OR3A2: variants seen among roughly 807,000 people sequenced by gnomAD.
The protein encoded by OR3A2 is olfactory receptor 3A2.
For missense variants in OR3A2, 318 were observed against 392.8 expected (o/e 0.81, Z 1.61); for synonymous variants, 126 against 159.3 (o/e 0.79, Z 1.57).
At chr17:3,359,054 A>G (rs1321814314) in intron 2 of OR3A2, among the ~76,000 whole-genome samples, 3 of 151,324 alleles carry the variant, frequency 2.0e-5, no homozygotes, top group Non-Finnish European at 4.4e-5. Context: ...GTCTTTTTTG[A>G]TATTTGTTGG....
intron 2 of OR3A2, among the ~76,000 whole-genome samples, chr17:3,360,936 T>A (rs1449872833): frequency 6.6e-6 from 1 of 151,634 alleles, no homozygotes; most frequent in Non-Finnish European, 1.5e-5. Flanking sequence ...TTAAAGTAGT[T>A]TTTCCCAATT....
chr17:3,329,562 CT>C (rs1384669331), intron 3 of OR3A2, among the ~76,000 whole-genome samples: 1 of 116,966 alleles, frequency 8.5e-6, no homozygotes, highest in African/African-American at 3.7e-5. Flanking sequence ...GTGATATCCC[CT>C]TTATCATTTT....
intron 3 of OR3A2, among the ~76,000 whole-genome samples, chr17:3,330,221 A>T (rs941005275): frequency 2.0e-5 from 3 of 151,584 alleles, no homozygotes; most frequent in African/African-American, 7.3e-5. Flanking sequence ...GTAGATGTCT[A>T]TTAGGTTGGC....
intron 3 of OR3A2, among the ~76,000 whole-genome samples, chr17:3,306,338 G>A (rs541370999): frequency 1.3e-5 from 2 of 151,556 alleles, no homozygotes; most frequent in African/African-American, 4.9e-5. Flanking sequence ...TAGAGACAGG[G>A]TTTCATTATG....
intron 2 of OR3A2, among the ~76,000 whole-genome samples, chr17:3,339,082 G>A (rs1451664663): frequency 6.6e-6 from 1 of 152,100 alleles, no homozygotes; most frequent in Non-Finnish European, 1.5e-5. Flanking sequence ...TGTTATTGGT[G>A]TATAAGAATG....
chr17:3,278,577 T>C lies in OR3A2; in HGVS notation c.341A>G (p.Asp114Gly), dbSNP rs778156524. ...GGCCATGGCGGTCAGCAGGAAGCAG[T>C]CCATCCCAGCCAGAAGGTGGAAGAA... Residue 114 changes from aspartate to glycine, a missense_variant, in exon 2 of 2, where the codon GAC becomes GGC. Physicochemically the swap from Asp to Gly is moderately conservative, Grantham distance 94. Coordinates refer to ENST00000642052, the Ensembl canonical transcript of OR3A2. 8.1e-6 allele frequency: 13 copies of C among 1,608,698 alleles called. No individual in the cohort carries two copies. In the South Asian group the frequency reaches 1.4e-4, roughly 18 times the overall value.
At chr17:3,346,562 G>C (rs1275697476) in intron 2 of OR3A2, among the ~76,000 whole-genome samples, 1 of 151,860 alleles carries the variant, frequency 6.6e-6, no homozygotes, top group Non-Finnish European at 1.5e-5. Context: ...TACTATTTCA[G>C]TTATTTCAAA....
intron 2 of OR3A2, among the ~76,000 whole-genome samples, chr17:3,359,487 A>G (rs1181697991): frequency 6.6e-6 from 1 of 151,664 alleles, no homozygotes; most frequent in South Asian, 2.1e-4. Context: ...AATTCCCTCA[A>G]TATTTGCTTA....
intron 2 of OR3A2, among the ~76,000 whole-genome samples, chr17:3,346,482 C>T (rs1006003249): frequency 6.6e-6 from 1 of 152,172 alleles, no homozygotes; most frequent in Non-Finnish European, 1.5e-5. Context: ...GCCTATCAGC[C>T]TATCAGCCGC....
At chr17:3,343,470 A>G (rs529609726) in intron 2 of OR3A2, among the ~76,000 whole-genome samples, 2 of 152,342 alleles carry the variant, frequency 1.3e-5, no homozygotes, top group African/African-American at 4.8e-5. Context: ...AGTATGCCCC[A>G]TCCAATATCT....
intron 2 of OR3A2, among the ~76,000 whole-genome samples, chr17:3,346,899 T>C (rs1370744697): frequency 1.3e-5 from 2 of 152,218 alleles, no homozygotes; most frequent in East Asian, 1.9e-4. Context: ...TAGTACTCCA[T>C]TGTGTATATG....
rs1413087776 is a variant in OR3A2 at position 3,306,355 on chromosome 17, CT to C, written c.-84-27203del. On this transcript the variant is annotated intron_variant, in intron 3 of 4. Transcript: ENST00000573491. Reference sequence around the variant, plus strand: ...GAGACAGGGTTTCATTATGTTGCCCCTGATCTAGAACGCCTGGCCTCAAGCA... The same window carrying C: ...GAGACAGGGTTTCATTATGTTGCCCCGATCTAGAACGCCTGGCCTCAAGCA... 7.9e-5 allele frequency among the ~76,000 whole-genome samples: 12 copies of C among 151,940 alleles called. No homozygotes were observed. The South Asian group carries it at 8.3e-4, about 11-fold the overall frequency.
intron 1 of OR3A2, 62 bp from the exon 5 acceptor site, chr17:3,278,985 A>T: frequency 6.4e-7 from 1 of 1,572,286 alleles, no homozygotes; most frequent in Non-Finnish European, 8.6e-7. Context: ...TTCAACATTA[A>T]TATTTTAAAC....
intron 3 of OR3A2, chr17:3,310,466 C>T (rs2049031699): frequency 1.9e-6 from 1 of 535,570 alleles, no homozygotes; most frequent in Non-Finnish European, 3.8e-6. Context: ...TGGCGGCCAT[C>T]CTTATGGAAA....
intron 3 of OR3A2, among the ~76,000 whole-genome samples, chr17:3,328,208 T>G (rs1234894923): frequency 3.4e-5 from 4 of 116,792 alleles, no homozygotes; most frequent in Non-Finnish European, 6.7e-5. Context: ...GTTCTTCCAT[T>G]TGTTTGTATC....
intron 2 of OR3A2, among the ~76,000 whole-genome samples, chr17:3,337,541 T>C (rs1461085559): frequency 1.3e-5 from 2 of 152,174 alleles, no homozygotes; most frequent in Non-Finnish European, 2.9e-5. Context: ...TTTCTGTCCT[T>C]GCGATAGTTT....
intron 3 of OR3A2, chr17:3,291,689 A>G (rs2048868731): frequency 6.2e-7 from 1 of 1,611,198 alleles, no homozygotes; most frequent in East Asian, 2.2e-5. Context: ...TCTGCACATC[A>G]GGGTTTCTGA....
rs1412780887 is a variant in OR3A2, at chr17:3,321,733, C to T, written c.-85+14300G>A. On this transcript the variant is annotated intron_variant, in intron 3 of 4. Coordinates refer to the OR3A2 transcript ENST00000573491. ...CCTTGCATCCCAGGGATGAAGCCCA[C>T]TTGATCATGGTGGATAAGCTTTTTG... 2.6e-5 allele frequency among the ~76,000 whole-genome samples: 4 copies of T among 152,124 alleles called. 1 individual carries two copies. The highest frequency in any genetic ancestry group is 2.6e-4 in the Admixed American group (4 of 15,272).
At chr17:3,321,625 C>A (rs2049122982) in intron 3 of OR3A2, among the ~76,000 whole-genome samples, 2 of 152,190 alleles carry the variant, frequency 1.3e-5, no homozygotes, top group African/African-American at 4.8e-5. Flanking sequence ...TTTTCTGCAT[C>A]TATTGAGATA....
Sources: gnomAD v4.1 joint callset for allele counts (sites outside exome capture counted in the v4.1 genomes callset) on GRCh38, gnomAD v4.1.1 for gene constraint, MANE v1.5 for transcripts, NCBI Gene and HGNC (gene_info 2026-07-23, HGNC 2026-07-21) for gene names.